Variants in SND1 observed in about 807,000 individuals in gnomAD.
The protein encoded by SND1 is staphylococcal nuclease domain-containing protein 1.
A neutral mutation model predicts 121.7 loss-of-function variants in SND1; 38 were observed. The observed-to-expected ratio is 0.31, with a 90% confidence interval of 0.24 to 0.41. The LOEUF (loss-of-function observed/expected upper bound fraction) is 0.41, where lower values mean the gene tolerates loss of function less well. Ranked by LOEUF, SND1 falls within the 10% of genes least tolerant of loss-of-function variation. The probability of loss-of-function intolerance (pLI) is 1.00; values close to 1 mark genes in which losing one functional copy is unlikely to be tolerated. For synonymous variants in SND1, 401 were observed against 447.4 expected, an observed-to-expected ratio of 0.90 and a Z score of 1.31; for missense variants, 868 against 1,184.6, an observed-to-expected ratio of 0.73 and a Z score of 3.92.
chr7:127,978,430 C>T (rs1023560321), intron 15 of SND1, among the ~76,000 whole-genome samples: 7 of 152,168 alleles, frequency 4.6e-5, no homozygotes, highest in African/African-American at 1.4e-4. Flanking sequence ...TAATGAAGAA[C>T]AGAGTGGCAA....
intron 16 of SND1, among the ~76,000 whole-genome samples, chr7:127,994,885 T>G (rs1245683685): frequency 6.6e-6 from 1 of 151,916 alleles, no homozygotes; most frequent in Non-Finnish European, 1.5e-5. Flanking sequence ...CTAATTTTTT[T>G]TTTTGTTTTT....
At chr7:127,942,707 T>C (rs1801242839) in intron 15 of SND1, among the ~76,000 whole-genome samples, 2 of 152,232 alleles carry the variant, frequency 1.3e-5, no homozygotes, top group African/African-American at 4.8e-5. Context: ...TGGAGGTAAA[T>C]GTGCATTGTT....
At chr7:127,677,007 G>T (rs1795628829) in intron 1 of SND1, among the ~76,000 whole-genome samples, 1 of 152,224 alleles carries the variant, frequency 6.6e-6, no homozygotes, top group Admixed American at 6.5e-5. Flanking sequence ...CTCCCAAAGT[G>T]TTGGGATTAC....
At chr7:127,899,969 G>A (rs1800196273) in intron 13 of SND1, among the ~76,000 whole-genome samples, 1 of 152,230 alleles carries the variant, frequency 6.6e-6, no homozygotes, top group South Asian at 2.1e-4. Context: ...CGTGTTCAGG[G>A]GTCCTAATCT....
chr7:128,030,603 G>C (rs1029058039), intron 16 of SND1: 1 of 1,588,906 alleles, frequency 6.3e-7, no homozygotes, highest in African/African-American at 1.3e-5. Flanking sequence ...GGCATTCCAG[G>C]TGTGGTGGTG....
chr7:127,993,569 A>G (rs1394660599), intron 16 of SND1, among the ~76,000 whole-genome samples: 1 of 152,234 alleles, frequency 6.6e-6, no homozygotes, highest in Non-Finnish European at 1.5e-5. Context: ...GAGCTGAGCC[A>G]CCGCTGGGAT....
At chr7:128,041,682 A>G (rs1792857584) in intron 16 of SND1, among the ~76,000 whole-genome samples, 1 of 152,168 alleles carries the variant, frequency 6.6e-6, no homozygotes, top group East Asian at 1.9e-4. Context: ...ATTCATGTAC[A>G]TACTCTCTCA....
chr7:127,975,777 C>G (rs1367539252), intron 15 of SND1, among the ~76,000 whole-genome samples: 1 of 152,142 alleles, frequency 6.6e-6, no homozygotes, highest in African/African-American at 2.4e-5. Flanking sequence ...TGGCATGAGA[C>G]TTTCTTCTGT....
chr7:128,056,929 T>C (rs1390746553), intron 16 of SND1, among the ~76,000 whole-genome samples: 2 of 152,204 alleles, frequency 1.3e-5, no homozygotes, highest in African/African-American at 4.8e-5. Context: ...TGAACACAAG[T>C]ACTGTAATTC....
chr7:127,832,726 C>G (rs917488308), intron 11 of SND1, among the ~76,000 whole-genome samples: 2 of 152,152 alleles, frequency 1.3e-5, no homozygotes, highest in African/African-American at 4.8e-5. Flanking sequence ...AGCAAGGGTC[C>G]CCAAGCCCCG....
chr7:127,915,839 A>G (rs749572457), intron 14 of SND1, among the ~76,000 whole-genome samples: 7 of 152,248 alleles, frequency 4.6e-5, no homozygotes, highest in Non-Finnish European at 7.3e-5. Flanking sequence ...TGTGTTCACA[A>G]TGGAAGACCA....
At chr7:127,666,005 T>C (rs980458703) in intron 1 of SND1, among the ~76,000 whole-genome samples, 7 of 152,220 alleles carry the variant, frequency 4.6e-5, no homozygotes, top group Admixed American at 2.0e-4. Context: ...TGGTAATTAC[T>C]TGCATTATTG....
At chr7:127,742,987 C>A (rs1041132761) in intron 10 of SND1, among the ~76,000 whole-genome samples, 5 of 152,200 alleles carry the variant, frequency 3.3e-5, no homozygotes, top group African/African-American at 1.2e-4. Context: ...CATGCAGAGA[C>A]TGTTTATCAC....
chr7:127,770,221 G>A (rs1797490727), intron 10 of SND1, among the ~76,000 whole-genome samples: 1 of 152,184 alleles, frequency 6.6e-6, no homozygotes, highest in Non-Finnish European at 1.5e-5. Context: ...TTAGCCACCA[G>A]GGAGTGGAGA....
intron 16 of SND1, among the ~76,000 whole-genome samples, chr7:127,997,226 T>A (rs1433212954): frequency 6.6e-6 from 1 of 152,192 alleles, no homozygotes; most frequent in Non-Finnish European, 1.5e-5. Context: ...TCTCCTCAAA[T>A]CATGCCAGTT....
At chr7:127,923,614 T>C (rs1800764922) in intron 14 of SND1, among the ~76,000 whole-genome samples, 1 of 152,192 alleles carries the variant, frequency 6.6e-6, no homozygotes, top group Non-Finnish European at 1.5e-5. Context: ...TTCTGTGAAT[T>C]AAAATGGCAC....
intron 14 of SND1, among the ~76,000 whole-genome samples, chr7:127,917,548 A>G (rs1800609798): frequency 6.6e-6 from 1 of 152,180 alleles, no homozygotes; most frequent in African/African-American, 2.4e-5. Flanking sequence ...CTTCAGGCAC[A>G]CTACCACACC....
intron 16 of SND1, among the ~76,000 whole-genome samples, chr7:128,026,165 A>T (rs997053377): frequency 2.6e-5 from 4 of 152,232 alleles, no homozygotes; most frequent in African/African-American, 9.6e-5. Context: ...GAAAGGGAGT[A>T]ATTTCTTGCT....
chr7:128,034,396 T>C (rs73721284), intron 16 of SND1, among the ~76,000 whole-genome samples: 2,123 of 152,284 alleles, frequency 0.014, 59 homozygotes, highest in African/African-American at 0.048. Context: ...TGCTCCTTTA[T>C]AGCTGGCACC....
Sources: gnomAD v4.1 joint callset for allele counts (sites outside exome capture counted in the v4.1 genomes callset) on GRCh38, gnomAD v4.1.1 for gene constraint, MANE v1.5 for transcripts, NCBI Gene and HGNC (gene_info 2026-07-23, HGNC 2026-07-21) for gene names.